ZAP70: variants seen among roughly 807,000 people sequenced by gnomAD.
ZAP70 encodes the protein zeta chain of T cell receptor associated protein kinase 70.
A neutral mutation model predicts 65.8 loss-of-function variants in ZAP70; 27 were observed. The observed-to-expected ratio is 0.41, with a 90% CI of 0.30 to 0.57. The LOEUF (loss-of-function observed/expected upper bound fraction) is 0.57, where lower values mean the gene tolerates loss of function less well. Among genes scored for constraint, ZAP70 ranks in the 20% least tolerant of loss-of-function variants. The probability of loss-of-function intolerance (pLI) is 0.28; values close to 1 mark genes in which losing one functional copy is unlikely to be tolerated. For synonymous variants in ZAP70, 363 were observed against 360.8 expected (o/e 1.01, Z -0.07); for missense variants, 696 against 870.5 (o/e 0.80, Z 2.52).
At chr2:97,734,954 G>T in intron 9 of ZAP70, 1 of 670,380 alleles carries the variant, frequency 1.5e-6, no homozygotes, top group Non-Finnish European at 2.5e-6. Flanking sequence ...CAGGGGAGCT[G>T]CAGTGGGGTC....
At chr2:97,748,050 G>A in the ZAP70 span, among the ~76,000 whole-genome samples, 5,761 of 152,126 alleles carry the variant, frequency 0.038, 343 homozygotes, top group African/African-American at 0.12. Context: ...AATTTCCCAA[G>A]TAACGGGTGG....
downstream of ZAP70, among the ~76,000 whole-genome samples, chr2:97,744,020 T>C (rs531183093): frequency 7.0e-4 from 106 of 152,352 alleles, 3 homozygotes; most frequent in South Asian, 0.021. Context: ...ATGGTTTCTA[T>C]GTGTACTTGG....
chr2:97,735,448 C>T lies in ZAP70; in HGVS notation c.1281C>T (p.Val427=), dbSNP rs202012066. 2.9e-5 allele frequency: 46 copies of T among 1,609,694 alleles called. No homozygotes were observed. Among genetic ancestry groups the T allele is most frequent in the Non-Finnish European group, 3.7e-5 (44 of 1,177,232 alleles). ...AGGGPLHKFL[V]GKREEIPVSN... ...GCGGGCCGCTGCACAAGTTCCTGGT[C>T]GGCAAGAGGTGAGCACCGGGTGGGC... Residue 427 remains valine (V), a synonymous_variant, in exon 10 of 14, where the codon GTC becomes GTT. Transcript: ENST00000264972.
chr2:97,726,700 A>T (rs1372945336), intron 4 of ZAP70, among the ~76,000 whole-genome samples: 1 of 152,240 alleles, frequency 6.6e-6, no homozygotes, highest in Non-Finnish European at 1.5e-5. Context: ...ACCCTACCAT[A>T]CAGATTCAGA....
downstream of ZAP70, among the ~76,000 whole-genome samples, chr2:97,744,710 G>A (rs1339473162): frequency 6.6e-6 from 1 of 152,180 alleles, no homozygotes; most frequent in African/African-American, 2.4e-5. Context: ...CAGGGAAGGT[G>A]ACACAGCTGC....
Position 97,739,719 on chromosome 2 carries a change from G to C in ZAP70, c.*221G>C. 1.4e-6 allele frequency: 1 copy of C among 696,176 alleles called. No individual in the cohort carries two copies. Among genetic ancestry groups the C allele is most frequent in the Non-Finnish European group, 2.3e-6 (1 of 427,690 alleles). 43.1% of individuals were successfully genotyped at this position (696,176 alleles called of 1,614,324 possible). A position where few individuals can be genotyped will look rare whatever the true frequency, so the allele number is the denominator to read the frequency against. ...CCGGGAGGGTGCGGCTGTGCAGCCT[G>C]TCCTGGGCTGGTGGCTCCCGGAGGG... On this transcript the variant is annotated 3_prime_UTR_variant, in exon 14 of 14. Coordinates refer to ENST00000264972, the MANE Select transcript of ZAP70 (RefSeq NM_001079.4).
chr2:97,734,344 G>A (rs1677749683), intron 8 of ZAP70, 176 bp from the exon 9 acceptor site: 1 of 1,429,054 alleles, frequency 7.0e-7, no homozygotes, highest in African/African-American at 1.4e-5. Flanking sequence ...GCTGTGGCCA[G>A]GAGTGTATGC....
chr2:97,750,762 A>G, the ZAP70 span, among the ~76,000 whole-genome samples: 1 of 152,342 alleles, frequency 6.6e-6, no homozygotes, highest in East Asian at 1.9e-4. Context: ...ATAAAAAAGG[A>G]GTATTTGTTA....
downstream of ZAP70, among the ~76,000 whole-genome samples, chr2:97,740,764 C>G (rs1426603415): frequency 6.6e-6 from 1 of 152,182 alleles, no homozygotes; most frequent in South Asian, 2.1e-4. Context: ...CTGCACGTCT[C>G]CTTTTCCGCT....
the ZAP70 span, among the ~76,000 whole-genome samples, chr2:97,752,275 G>A: frequency 1.9e-4 from 29 of 152,306 alleles, no homozygotes; most frequent in African/African-American, 7.0e-4. Context: ...ACAGGGGGAT[G>A]TTTTGTAACC....
rs1348882798 is a variant in ZAP70, at chr2:97,731,882, G to A, written c.564-1001G>A. ...CTGAGATCAGGAGTCGGCTGCTTCC[G>A]GCCTCCACAGCTTCCACGGGGCCAG... is the stretch of plus-strand genomic sequence containing the variant. On this transcript the variant is annotated intron_variant, in intron 4 of 13. Coordinates refer to ENST00000264972, the MANE Select transcript of ZAP70 (RefSeq NM_001079.4). This position sits in a 1 kb window ranked among gnomAD's most constrained non-coding sequence, Gnocchi z 4.0. Among the ~76,000 whole-genome samples, 1 of 152,054 alleles carries A rather than the reference G, an allele frequency of 6.6e-6. No individual in the cohort carries two copies. The highest frequency in any genetic ancestry group is 2.1e-4 in the South Asian group (1 of 4,818).
At chr2:97,724,691 G>A in intron 3 of ZAP70, 1 of 1,521,656 alleles carries the variant, frequency 6.6e-7, no homozygotes, top group Middle Eastern at 1.7e-4. Context: ...GAAGGTAGAG[G>A]GACGCACTGG....
At chr2:97,723,239 C>T (rs1164584921) in intron 2 of ZAP70, among the ~76,000 whole-genome samples, 1 of 152,218 alleles carries the variant, frequency 6.6e-6, no homozygotes, top group Non-Finnish European at 1.5e-5. Flanking sequence ...TTCCAATTAG[C>T]GTATGCTCTG....
chr2:97,732,693 C>T, intron 4 of ZAP70, 190 bp from the exon 5 acceptor site: 1 of 765,596 alleles, frequency 1.3e-6, no homozygotes. Context: ...CCTCCACCGC[C>T]CTCTGCCACT....
chr2:97,716,661 G>C (rs907706386), intron 2 of ZAP70, among the ~76,000 whole-genome samples: 2 of 152,154 alleles, frequency 1.3e-5, no homozygotes, highest in Admixed American at 1.3e-4. Flanking sequence ...TGGTTTGTCC[G>C]AGGGACCTGA....
At chr2:97,720,678 TG>T (rs1170918435) in intron 2 of ZAP70, among the ~76,000 whole-genome samples, 2 of 152,156 alleles carry the variant, frequency 1.3e-5, no homozygotes, top group Non-Finnish European at 2.9e-5. Context: ...AAAACACTCT[TG>T]TGGAATGGTG....
At chr2:97,714,923 T>A (rs1676848115) in intron 2 of ZAP70, among the ~76,000 whole-genome samples, 2 of 152,274 alleles carry the variant, frequency 1.3e-5, no homozygotes, top group South Asian at 2.1e-4. Flanking sequence ...TGGCTTCACA[T>A]TCTGGCTCTG....
chr2:97,737,637 C>T lies in ZAP70; in HGVS notation c.1454C>T (p.Ala485Val), dbSNP rs775805179. ...ATCAGCGACTTTGGCCTCTCCAAAGCACTGGGTGCCGACGACAGCTACTAC... is the reference window on the plus strand; with the variant it reads ...ATCAGCGACTTTGGCCTCTCCAAAGTACTGGGTGCCGACGACAGCTACTAC... ...AKISDFGLSKALGADDSYYTA... is the reference protein window; with the variant it reads ...AKISDFGLSKVLGADDSYYTA... Residue 485 changes from alanine (A) to valine (V), a missense_variant, in exon 11 of 14, where the codon GCA (alanine) becomes GTA (valine). Ala to Val is a moderately conservative substitution (Grantham distance 64, BLOSUM62 0). Transcript: ENST00000264972. The surrounding 1 kb of genome is among the most constrained non-coding windows in gnomAD (Gnocchi z 5.0). The T allele has an allele frequency of 6.2e-7, 1 of 1,614,112 alleles. No individual in the cohort carries two copies. Among genetic ancestry groups the T allele is most frequent in the Non-Finnish European group, 8.5e-7 (1 of 1,179,996 alleles).
rs375803274 is a variant in ZAP70, at chr2:97,714,635, G to A, written c.-22+641G>A. 1.1e-3 allele frequency among the ~76,000 whole-genome samples: 166 copies of A among 152,348 alleles called. 1 individual carries two copies. Among genetic ancestry groups the A allele is most frequent in the African/African-American group, 1.5e-3 (62 of 41,572 alleles). ...CTGGGAAATGTGTCCCAGGTAGGAA[G>A]CATCCCCGACAGGAAGGAACAGGAG... is the stretch of plus-strand genomic sequence containing the variant. On this transcript the variant is annotated intron_variant, in intron 2 of 13. Transcript: ENST00000264972.
Sources: allele counts gnomAD v4.1 joint callset (sites outside exome capture counted in the v4.1 genomes callset), GRCh38; gene constraint gnomAD v4.1.1; non-coding constraint Gnocchi (gnomAD v3.1); transcripts MANE v1.5; gene names NCBI Gene and HGNC (gene_info 2026-07-23, HGNC 2026-07-21).